FBXO34: variants seen among roughly 807,000 people sequenced by gnomAD.
FBXO34 encodes the protein F-box only protein 34.
Under a neutral mutation model 24.5 loss-of-function variants are expected in FBXO34, and 12 were observed. The ratio of observed to expected loss-of-function variants is 0.49; its 90% CI spans 0.31 to 0.79. The LOEUF is 0.79. Among genes scored for constraint, FBXO34 ranks in the 30% least tolerant of loss-of-function variants. The probability of loss-of-function intolerance (pLI) is 0.04; values close to 1 mark genes in which losing one functional copy is unlikely to be tolerated. For synonymous variants in FBXO34, 320 were observed against 311.9 expected, an observed-to-expected ratio of 1.03 and a Z score of -0.27; for missense variants, 823 against 857.7, an observed-to-expected ratio of 0.96 and a Z score of 0.51.
At chr14:55,394,005 A>ATTTT in the FBXO34 span, among the ~76,000 whole-genome samples, 1 of 138,922 alleles carries the variant, frequency 7.2e-6, no homozygotes, top group African/African-American at 2.6e-5. Flanking sequence ...CAGTATCATA[A>ATTTT]TTTTTTTTTT....
downstream of FBXO34, among the ~76,000 whole-genome samples, chr14:55,363,725 C>G (rs140425993): frequency 2.1e-3 from 324 of 152,268 alleles, 3 homozygotes; most frequent in African/African-American, 7.1e-3. Context: ...AATTTGTAAA[C>G]TTCTTAGAAC....
At chr14:55,279,284 CAAAA>C (rs397767008) in intron 1 of FBXO34, among the ~76,000 whole-genome samples, 2 of 118,274 alleles carry the variant, frequency 1.7e-5, no homozygotes, top group Admixed American at 9.2e-5. Flanking sequence ...GAGACTCCGT[CAAAA>C]AAAAAAAAAA....
At chr14:55,296,506 T>TGAA (rs1882137715) in intron 1 of FBXO34, among the ~76,000 whole-genome samples, 1 of 147,880 alleles carries the variant, frequency 6.8e-6, no homozygotes, top group African/African-American at 2.5e-5. Flanking sequence ...GCAATTATCC[T>TGAA]GCATCAGCCT....
chr14:55,304,760 A>G (rs565495072), intron 1 of FBXO34, among the ~76,000 whole-genome samples: 118 of 152,246 alleles, frequency 7.8e-4, no homozygotes, highest in African/African-American at 2.7e-3. Flanking sequence ...TCAGCCTCCC[A>G]AAGTGTTGAT....
the FBXO34 span, chr14:55,380,716 T>A: frequency 6.8e-7 from 1 of 1,477,242 alleles, no homozygotes; most frequent in Non-Finnish European, 9.3e-7. Context: ...AACCACCATG[T>A]ACAAAACCTT....
chr14:55,423,761 C>T, the FBXO34 span, among the ~76,000 whole-genome samples: 2 of 152,226 alleles, frequency 1.3e-5, no homozygotes, highest in East Asian at 3.8e-4. Context: ...GTAATTGTGA[C>T]AGACCCTGTG....
chr14:55,388,141 CCAACAACAACAA>C, the FBXO34 span, among the ~76,000 whole-genome samples: 2 of 152,068 alleles, frequency 1.3e-5, no homozygotes, highest in Non-Finnish European at 2.9e-5. Flanking sequence ...CATCTCAAAA[CCAACAACAACAA>C]CATCTCTTTG....
At chr14:55,324,875 T>C (rs1883288433) in intron 1 of FBXO34, among the ~76,000 whole-genome samples, 1 of 152,234 alleles carries the variant, frequency 6.6e-6, no homozygotes, top group Admixed American at 6.5e-5. Context: ...TTGAACAGTC[T>C]GGAGTCTGAG....
intron 1 of FBXO34, among the ~76,000 whole-genome samples, chr14:55,303,592 T>C (rs1882437561): frequency 2.1e-5 from 3 of 139,594 alleles, no homozygotes; most frequent in Admixed American, 1.4e-4. Flanking sequence ...TCTCCCATTC[T>C]TATCTTTTTT....
At chr14:55,380,875 A>ATATATATATTTT in the FBXO34 span, among the ~76,000 whole-genome samples, 1 of 112,704 alleles carries the variant, frequency 8.9e-6, no homozygotes, top group African/African-American at 3.8e-5. Context: ...ATATATATAT[A>ATATATATATTTT]TTTTTTTTTT....
At chr14:55,378,056 A>G in the FBXO34 span, 4 of 1,612,902 alleles carry the variant, frequency 2.5e-6, no homozygotes, top group Non-Finnish European at 3.4e-6. Context: ...GCTTGCTTAG[A>G]TTTTCGCCAC....
intron 1 of FBXO34, among the ~76,000 whole-genome samples, chr14:55,343,193 A>G (rs995805633): frequency 1.3e-5 from 2 of 151,082 alleles, no homozygotes; most frequent in African/African-American, 4.9e-5. Flanking sequence ...TAAAGGTATT[A>G]TATAATGAGA....
chr14:55,302,491 A>G (rs538681936), intron 1 of FBXO34, among the ~76,000 whole-genome samples: 4 of 128,114 alleles, frequency 3.1e-5, no homozygotes, highest in South Asian at 2.5e-4. Context: ...GGGTCTCACT[A>G]TGTTGCTCAG....
downstream of FBXO34, chr14:55,368,908 A>G (rs182643161): frequency 1.0e-3 from 158 of 152,676 alleles, no homozygotes; most frequent in Admixed American, 3.3e-3. Flanking sequence ...ACAAGAAAAT[A>G]GTTAAAAACT....
At chr14:55,316,954 T>A (rs1164198204) in intron 1 of FBXO34, among the ~76,000 whole-genome samples, 1 of 152,218 alleles carries the variant, frequency 6.6e-6, no homozygotes, top group Non-Finnish European at 1.5e-5. Flanking sequence ...AAAAACTGAT[T>A]AGAAGCTCTG....
At chr14:55,335,043 G>A (rs1883728557) in intron 1 of FBXO34, among the ~76,000 whole-genome samples, 1 of 152,188 alleles carries the variant, frequency 6.6e-6, no homozygotes, top group Non-Finnish European at 1.5e-5. Flanking sequence ...AGCAAGTTAA[G>A]TTGACCCATT....
At chr14:55,325,500 A>C (rs569489139) in intron 1 of FBXO34, among the ~76,000 whole-genome samples, 10 of 150,618 alleles carry the variant, frequency 6.6e-5, no homozygotes, top group African/African-American at 1.9e-4. Context: ...TTTGAGATGG[A>C]GTTTCACTCT....
intron 1 of FBXO34, among the ~76,000 whole-genome samples, chr14:55,278,854 T>G (rs1465015654): frequency 6.6e-6 from 1 of 152,180 alleles, no homozygotes; most frequent in Non-Finnish European, 1.5e-5. Context: ...ACGCAGCTAA[T>G]TTTTAAATTT....
downstream of FBXO34, among the ~76,000 whole-genome samples, chr14:55,358,574 G>A (rs1363527648): frequency 2.0e-5 from 3 of 152,080 alleles, no homozygotes; most frequent in Non-Finnish European, 4.4e-5. Context: ...TGGTTTATAA[G>A]GAGAACAAAG....
Sources: allele counts gnomAD v4.1 joint callset (sites outside exome capture counted in the v4.1 genomes callset), GRCh38; gene constraint gnomAD v4.1.1; transcripts MANE v1.5; gene names NCBI Gene and HGNC (gene_info 2026-07-23, HGNC 2026-07-21).